CUX1: variants seen among roughly 807,000 people sequenced by gnomAD.
The protein encoded by CUX1 is protein CASP.
CUX1 carries 31 observed loss-of-function variants against 158.8 expected under a neutral mutation model. The ratio of observed to expected loss-of-function variants is 0.20; its 90% CI spans 0.15 to 0.26. The LOEUF (loss-of-function observed/expected upper bound fraction) is 0.26. Among genes scored for constraint, CUX1 ranks in the 10% least tolerant of loss-of-function variants. The pLI is 1.00. For synonymous variants in CUX1, 879 were observed against 862.1 expected (o/e 1.02, Z -0.34); for missense variants, 1,589 against 2,014.6 (o/e 0.79, Z 4.04).
At chr7:102,117,136 G>A (rs1016112600) in intron 8 of CUX1, among the ~76,000 whole-genome samples, 9 of 152,040 alleles carry the variant, frequency 5.9e-5, no homozygotes, top group African/African-American at 1.9e-4. Context: ...AGTGACTCAC[G>A]CCTGTAATCC....
In CUX1 at chr7:102,200,086, G is replaced by A. The variant is rs1158653717; in HGVS notation, c.1976G>A (p.Arg659Gln). The change falls in exon 17 of 24, where the codon CGG (arginine) becomes CAG (glutamine). Residue 659 changes from arginine to glutamine, a missense_variant. Physicochemically the swap from Arg to Gln is conservative, Grantham distance 43 (BLOSUM62 1). Transcript: ENST00000292535. ...CTCCCCACAGGTAACATCACCACCC[G>A]GATCCGAGCCTCGGAGACTGGCTCT... ...RNGSEGNITT[R>Q]IRASETGSDE... The A allele has an allele frequency of 5.6e-6, 9 of 1,612,030 alleles. No individual in the cohort carries two copies. The highest frequency in any genetic ancestry group is 7.6e-6 in the Non-Finnish European group (9 of 1,179,110).
At chr7:101,864,863 A>G (rs906759914) in intron 1 of CUX1, among the ~76,000 whole-genome samples, 17 of 152,248 alleles carry the variant, frequency 1.1e-4, no homozygotes, top group African/African-American at 3.6e-4. Flanking sequence ...ATAGATAGTT[A>G]TTTTTAATAC....
At chr7:101,954,437 T>C (rs1484172266) in intron 2 of CUX1, among the ~76,000 whole-genome samples, 1 of 152,240 alleles carries the variant, frequency 6.6e-6, no homozygotes. Flanking sequence ...GTTGTAAATA[T>C]TTGTGTGGCT....
intron 2 of CUX1, among the ~76,000 whole-genome samples, chr7:101,970,582 G>A (rs910113808): frequency 3.3e-5 from 5 of 152,068 alleles, no homozygotes; most frequent in Non-Finnish European, 5.9e-5. Flanking sequence ...TTGAAAAGGA[G>A]TCCCATTCAG....
chr7:101,861,371 C>T (rs1444814566), intron 1 of CUX1, among the ~76,000 whole-genome samples: 1 of 152,242 alleles, frequency 6.6e-6, no homozygotes, highest in Non-Finnish European at 1.5e-5. Context: ...TGCGTTTCCA[C>T]ATTTAGCAGT....
intron 8 of CUX1, among the ~76,000 whole-genome samples, chr7:102,157,080 G>T (rs1189004408): frequency 2.0e-5 from 3 of 152,238 alleles, no homozygotes; most frequent in African/African-American, 7.2e-5. Flanking sequence ...GGAAGGCCTG[G>T]CTCTTTGGGG....
In CUX1 at chr7:102,169,316, G is replaced by A. The variant is rs372373134; in HGVS notation, c.724-1130G>A. On this transcript the variant is annotated intron_variant, in intron 9 of 23. Coordinates refer to ENST00000292535, the MANE Select transcript of CUX1 (RefSeq NM_181552.4). ...ACCCCTGACCTCACATGATCCACCC[G>A]CCTCGGCTTCCCAAAGTGCCAGGAT... Among the ~76,000 whole-genome samples the A allele has an allele frequency of 6.6e-5, 10 of 152,184 alleles. No individual in the cohort carries two copies. The East Asian group carries it at 1.2e-3, about 18-fold the overall frequency.
chr7:102,199,805 C>A (rs1554519159), intron 16 of CUX1, among the ~76,000 whole-genome samples: 1 of 152,162 alleles, frequency 6.6e-6, no homozygotes. Context: ...ATTAAATGAT[C>A]GGTTCTCCCG....
chr7:102,086,619 T>G (rs903655861), intron 4 of CUX1, among the ~76,000 whole-genome samples: 4 of 151,962 alleles, frequency 2.6e-5, no homozygotes, highest in Non-Finnish European at 5.9e-5. Context: ...TTTCGTTGTT[T>G]TTTTTTTTGA....
chr7:102,166,349 C>CG (rs1563337455), intron 9 of CUX1, among the ~76,000 whole-genome samples: 2 of 152,080 alleles, frequency 1.3e-5, no homozygotes, highest in Non-Finnish European at 2.9e-5. Flanking sequence ...GGCGAGGGGC[C>CG]GTTCTCATGG....
intron 3 of CUX1, among the ~76,000 whole-genome samples, chr7:102,046,193 G>A (rs908936662): frequency 1.3e-5 from 2 of 152,150 alleles, no homozygotes; most frequent in Non-Finnish European, 2.9e-5. Context: ...ATGGGAGTCG[G>A]GACAGAGCTG....
In CUX1 at chr7:102,280,482, G is replaced by A. The variant is rs781788093; in HGVS notation, c.1765-322G>A. On this transcript the variant is annotated intron_variant, in intron 19 of 22. Coordinates refer to the CUX1 transcript ENST00000292538. Reference sequence around the variant, plus strand: ...CCAGTTACAGCTCCCAGAATCGGGCGATCCATTGTGGGGACCCCACCCCAC... The same window carrying A: ...CCAGTTACAGCTCCCAGAATCGGGCAATCCATTGTGGGGACCCCACCCCAC... Among the ~76,000 whole-genome samples the A allele has an allele frequency of 6.6e-5, 10 of 152,216 alleles. No individual in the cohort carries two copies. In the East Asian group the frequency reaches 9.7e-4, roughly 15 times the overall value.
At chr7:102,008,446 C>T (rs1459634908) in intron 2 of CUX1, among the ~76,000 whole-genome samples, 1 of 152,114 alleles carries the variant, frequency 6.6e-6, no homozygotes, top group African/African-American at 2.4e-5. Context: ...CCTTGGGCCC[C>T]CGTTGTAGGC....
At chr7:101,934,558 C>A (rs1356095834) in intron 2 of CUX1, among the ~76,000 whole-genome samples, 1 of 152,128 alleles carries the variant, frequency 6.6e-6, no homozygotes, top group Non-Finnish European at 1.5e-5. Flanking sequence ...AGCTCTCAGC[C>A]CCGAGCCTCT....
At chr7:101,828,274 T>C (rs1232029889) in intron 1 of CUX1, among the ~76,000 whole-genome samples, 1 of 151,682 alleles carries the variant, frequency 6.6e-6, no homozygotes, top group African/African-American at 2.4e-5. Context: ...CCAGCCCCAC[T>C]CAATGTCACT....
chr7:101,886,497 G>A (rs888973852), intron 1 of CUX1, among the ~76,000 whole-genome samples: 2 of 152,158 alleles, frequency 1.3e-5, no homozygotes, highest in Non-Finnish European at 2.9e-5. Flanking sequence ...CACTATGCTC[G>A]GCCGGCACCC....
chr7:102,105,509 T>TC (rs1830249418), intron 6 of CUX1, among the ~76,000 whole-genome samples: 1 of 144,582 alleles, frequency 6.9e-6, no homozygotes, highest in Admixed American at 6.9e-5. Flanking sequence ...TAGATCTTTT[T>TC]TTTTTTTTTT....
intron 17 of CUX1, among the ~76,000 whole-genome samples, chr7:102,277,414 G>A (rs1791687242): frequency 6.6e-6 from 1 of 151,850 alleles, no homozygotes; most frequent in South Asian, 2.1e-4. Flanking sequence ...TGAACAAAAT[G>A]GTAAAACCCT....
At chr7:102,184,670 G>C (rs1177149035) in intron 11 of CUX1, among the ~76,000 whole-genome samples, 1 of 152,050 alleles carries the variant, frequency 6.6e-6, no homozygotes, top group Non-Finnish European at 1.5e-5. Context: ...TTTAAAGACA[G>C]GATCTTGCTC....
Sources: allele counts gnomAD v4.1 joint callset (sites outside exome capture counted in the v4.1 genomes callset), GRCh38; gene constraint gnomAD v4.1.1; transcripts MANE v1.5; gene names NCBI Gene and HGNC (gene_info 2026-07-23, HGNC 2026-07-21).